Variants in FAM161A observed in about 807,000 individuals in gnomAD.
FAM161A encodes the protein protein FAM161A.
Under a neutral mutation model 70.9 loss-of-function variants are expected in FAM161A, and 57 were observed. The observed-to-expected ratio is 0.80, with a 90% confidence interval of 0.65 to 1.00. The LOEUF (loss-of-function observed/expected upper bound fraction) is 1.00. FAM161A is among the 50% of genes least tolerant of loss of function. The pLI, the probability that FAM161A is intolerant of heterozygous loss-of-function variation, is 0.00. For synonymous variants in FAM161A, 299 were observed against 295.7 expected, an observed-to-expected ratio of 1.01 and a Z score of -0.12; for missense variants, 880 against 836.0, an observed-to-expected ratio of 1.05 and a Z score of -0.65.
At chr2:61,811,956 C>G in the FAM161A span, among the ~76,000 whole-genome samples, 33,517 of 152,124 alleles carry the variant, frequency 0.22, 3,807 homozygotes, top group Middle Eastern at 0.29. Flanking sequence ...TTGCAACTCT[C>G]TCCACGTCTC....
At chr2:61,804,005 G>A in the FAM161A span, among the ~76,000 whole-genome samples, 7 of 152,120 alleles carry the variant, frequency 4.6e-5, no homozygotes, top group African/African-American at 7.2e-5. Context: ...ATAAAAGAAC[G>A]GCTACTCCAT....
At chr2:61,853,291 A>T (rs1184023278) in intron 1 of FAM161A, among the ~76,000 whole-genome samples, 1 of 152,138 alleles carries the variant, frequency 6.6e-6, no homozygotes, top group Non-Finnish European at 1.5e-5. Flanking sequence ...AACAGATTTA[A>T]CAATGAAAAC....
In FAM161A at chr2:61,848,908, T is replaced by TTATA. The variant is rs1467583207; in HGVS notation, c.183+4947_183+4950dup. Among the ~76,000 whole-genome samples, 2 of 1,540 alleles carry TTATA rather than the reference T, an allele frequency of 1.3e-3. 1 individual carries two copies. Among genetic ancestry groups the TTATA allele is most frequent in the African/African-American group, 4.3e-3 (2 of 470 alleles). The allele number at this position is 1,540 out of a possible 152,430, so 1.0% of individuals were successfully genotyped here. Reference sequence around the variant, plus strand: ...TATTTATATATATTTATATATATATTTATATATTTATATATATTTATATAT... The same window carrying TTATA: ...TATTTATATATATTTATATATATATTTATATATATATTTATATATATTTATATAT... On this transcript the variant is annotated intron_variant, in intron 1 of 6. Transcript: ENST00000404929.
At chr2:61,826,714 AAT>A (rs1159321517) in intron 6 of FAM161A, 115 bp from the exon 7 acceptor site, 70 of 865,630 alleles carry the variant, frequency 8.1e-5, no homozygotes, top group Non-Finnish European at 1.2e-4. Flanking sequence ...TATGAATTCC[AAT>A]TTGTTACCAA....
chr2:61,820,595 A>C (rs1007359721), downstream of FAM161A: 13 of 708,540 alleles, frequency 1.8e-5, no homozygotes, highest in East Asian at 3.4e-4. Context: ...ACTGCTAGGT[A>C]ACTGGTATTA....
chr2:61,804,576 A>G, the FAM161A span, among the ~76,000 whole-genome samples: 1 of 151,476 alleles, frequency 6.6e-6, no homozygotes, highest in Non-Finnish European at 1.5e-5. Flanking sequence ...TCCCAACTAC[A>G]TGGGAGGCTG....
intron 2 of FAM161A, among the ~76,000 whole-genome samples, chr2:61,841,700 A>G (rs565833453): frequency 6.6e-6 from 1 of 152,336 alleles, no homozygotes; most frequent in Admixed American, 6.5e-5. Flanking sequence ...CACAGCAGAA[A>G]TGGGTCTTGA....
At chr2:61,815,051 A>G in the FAM161A span, among the ~76,000 whole-genome samples, 1,096 of 152,274 alleles carry the variant, frequency 7.2e-3, 4 homozygotes, top group Non-Finnish European at 0.011. Context: ...GTGTGCAGCT[A>G]TTCCTTGATG....
chr2:61,846,665 A>T (rs1408364366), intron 1 of FAM161A: 1 of 255,510 alleles, frequency 3.9e-6, no homozygotes, highest in Admixed American at 5.3e-5. Flanking sequence ...AACTCTGCAA[A>T]CCACACTTCT....
chr2:61,810,139 C>G, the FAM161A span, among the ~76,000 whole-genome samples: 1 of 152,268 alleles, frequency 6.6e-6, no homozygotes, highest in Non-Finnish European at 1.5e-5. Flanking sequence ...TTGTAAACCA[C>G]TATGTTTTGG....
intron 5 of FAM161A, among the ~76,000 whole-genome samples, chr2:61,830,961 A>G (rs1029220937): frequency 1.3e-5 from 2 of 151,518 alleles, no homozygotes; most frequent in Admixed American, 6.6e-5. Flanking sequence ...ATACAAAAAA[A>G]ATTAGCCAGG....
the FAM161A span, among the ~76,000 whole-genome samples, chr2:61,801,010 G>T: frequency 3.3e-5 from 5 of 151,756 alleles, no homozygotes; most frequent in East Asian, 9.9e-4. Context: ...GGCCAGGCTG[G>T]TCTTGAACTC....
chr2:61,815,301 A>C, the FAM161A span, among the ~76,000 whole-genome samples: 9 of 152,154 alleles, frequency 5.9e-5, no homozygotes, highest in Non-Finnish European at 1.0e-4. Flanking sequence ...GTTAGGTAGA[A>C]AACCTTTGTC....
chr2:61,820,663 G>A (rs1404969970), downstream of FAM161A: 1 of 455,168 alleles, frequency 2.2e-6, no homozygotes, highest in African/African-American at 2.0e-5. Flanking sequence ...TATTAGAGCT[G>A]TGTAACAAGG....
intron 2 of FAM161A, among the ~76,000 whole-genome samples, chr2:61,840,950 AAG>A (rs1673000981): frequency 6.6e-6 from 1 of 152,176 alleles, no homozygotes; most frequent in South Asian, 2.1e-4. Flanking sequence ...GTGCCCAGCC[AAG>A]AGTTACATAT....
chr2:61,846,741 G>C (rs1230308766), intron 1 of FAM161A: 3 of 316,942 alleles, frequency 9.5e-6, no homozygotes, highest in Non-Finnish European at 1.9e-5. Flanking sequence ...AAGGCTAGAG[G>C]AGAAAGATGG....
Position 61,826,044 on chromosome 2 carries a change from ATAGT to A in FAM161A, c.*407_*410del. 2.2e-6 allele frequency: 1 copy of A among 456,286 alleles called. No homozygotes were observed. The highest frequency in any genetic ancestry group is 1.6e-5 in the South Asian group (1 of 64,450). 28.3% of individuals were successfully genotyped at this position (456,286 alleles called of 1,614,324 possible). On this transcript the variant is annotated 3_prime_UTR_variant, in exon 7 of 7. Coordinates refer to ENST00000404929, the MANE Select transcript of FAM161A (RefSeq NM_001201543.2). Reference sequence around the variant, plus strand: ...GAATGGGCAAATAGTATAATTAAAAATAGTTATTGATTCACACTTTCCAAAATTT... The same window carrying A: ...GAATGGGCAAATAGTATAATTAAAAATATTGATTCACACTTTCCAAAATTT...
the FAM161A span, among the ~76,000 whole-genome samples, chr2:61,809,061 C>T: frequency 1.1e-4 from 16 of 152,052 alleles, no homozygotes; most frequent in African/African-American, 3.4e-4. Flanking sequence ...TTAGTAGAGA[C>T]GAGGTTTTGC....
At position 61,827,090 on chromosome 2, in the gene FAM161A, CTTATA is replaced by C. The variant is rs748936385; in HGVS notation, c.2006+9_2006+13del. 1 of 1,612,780 alleles carries C rather than the reference CTTATA, an allele frequency of 6.2e-7. No homozygotes were observed. Among genetic ancestry groups the C allele is most frequent in the Non-Finnish European group, 8.5e-7 (1 of 1,179,550 alleles). On this transcript the variant is annotated intron_variant, in intron 6 of 6. Transcript: ENST00000404929. ...TTTCAAAGGTAAGCCATTCAGACAT[CTTATA>C]TATGTTACCTTTCTTTGTCTTCAGT...
Sources: allele counts gnomAD v4.1 joint callset (sites outside exome capture counted in the v4.1 genomes callset), GRCh38; gene constraint gnomAD v4.1.1; transcripts MANE v1.5; gene names NCBI Gene and HGNC (gene_info 2026-07-23, HGNC 2026-07-21).